SMYD3: variants seen among roughly 807,000 people sequenced by gnomAD.
SMYD3 encodes the protein SET and MYND domain containing 3.
Under a neutral mutation model 57.7 loss-of-function variants are expected in SMYD3, and 36 were observed. The ratio of observed to expected loss-of-function variants is 0.62; its 90% CI spans 0.48 to 0.82. SMYD3 has a LOEUF of 0.82. Ranked by LOEUF, SMYD3 falls within the 40% of genes least tolerant of loss-of-function variation. The probability of loss-of-function intolerance (pLI) is 0.00; values close to 1 mark genes in which losing one functional copy is unlikely to be tolerated. For missense variants in SMYD3, 515 were observed against 538.8 expected (o/e 0.96, Z 0.44); for synonymous variants, 211 against 195.0 (o/e 1.08, Z -0.68).
rs898252953 is a variant in SMYD3 at position 246,234,793 on chromosome 1, G to T, written c.531+92408C>A. ...ATATATACAAATCAGTTACAGCTTA[G>T]ACAAGAAACCTCTTTGACTACACAA... On this transcript the variant is annotated intron_variant, in intron 5 of 11. Transcript: ENST00000490107. Among the ~76,000 whole-genome samples, 4 of 152,080 alleles carry T rather than the reference G, an allele frequency of 2.6e-5. No homozygotes were observed. In the East Asian group the frequency reaches 5.8e-4, roughly 22 times the overall value.
At chr1:245,818,154 C>G (rs1346263002) in intron 10 of SMYD3, among the ~76,000 whole-genome samples, 3 of 152,154 alleles carry the variant, frequency 2.0e-5, no homozygotes, top group Non-Finnish European at 4.4e-5. Context: ...AGAGAAAGAT[C>G]GGGTTACCCT....
intron 5 of SMYD3, among the ~76,000 whole-genome samples, chr1:246,045,264 G>A (rs1402595006): frequency 1.2e-4 from 18 of 152,100 alleles, no homozygotes; most frequent in Admixed American, 1.2e-3. Flanking sequence ...AAACAGCATG[G>A]TACTGGTACC....
chr1:246,351,301 G>C (rs949383384), intron 2 of SMYD3, among the ~76,000 whole-genome samples: 1 of 151,256 alleles, frequency 6.6e-6, no homozygotes, highest in Non-Finnish European at 1.5e-5. Flanking sequence ...CATTCAACTA[G>C]AAATGTATAT....
At chr1:246,488,432 G>C (rs1163047720) in intron 1 of SMYD3, among the ~76,000 whole-genome samples, 1 of 152,230 alleles carries the variant, frequency 6.6e-6, no homozygotes, top group African/African-American at 2.4e-5. Flanking sequence ...GCTCATGCCT[G>C]TAATCCCACT....
intron 5 of SMYD3, among the ~76,000 whole-genome samples, chr1:246,107,854 A>G (rs1290774097): frequency 6.6e-6 from 1 of 152,214 alleles, no homozygotes; most frequent in Non-Finnish European, 1.5e-5. Context: ...AAATAAATAA[A>G]TCTGGAAAGG....
chr1:246,359,719 A>G (rs535293374), intron 1 of SMYD3, among the ~76,000 whole-genome samples: 2 of 152,236 alleles, frequency 1.3e-5, no homozygotes, highest in Non-Finnish European at 2.9e-5. Flanking sequence ...TCACATGATC[A>G]TCTCAATAGA....
At chr1:246,100,743 C>T (rs1173451655) in intron 5 of SMYD3, among the ~76,000 whole-genome samples, 3 of 152,054 alleles carry the variant, frequency 2.0e-5, no homozygotes, top group East Asian at 1.9e-4. Context: ...AAAATGAATG[C>T]GACTCTCCAG....
At chr1:246,489,567 A>C (rs1016513767) in intron 1 of SMYD3, among the ~76,000 whole-genome samples, 3 of 152,158 alleles carry the variant, frequency 2.0e-5, no homozygotes, top group Non-Finnish European at 2.9e-5. Context: ...TCTATTCGAC[A>C]GCGATTTCAA....
At chr1:246,408,239 C>T (rs1259733906) in intron 1 of SMYD3, among the ~76,000 whole-genome samples, 1 of 152,036 alleles carries the variant, frequency 6.6e-6, no homozygotes, top group Non-Finnish European at 1.5e-5. Flanking sequence ...AATAATTTTC[C>T]ATTTATTTCT....
intron 5 of SMYD3, among the ~76,000 whole-genome samples, chr1:246,180,854 A>G (rs2062539022): frequency 6.8e-6 from 1 of 146,686 alleles, no homozygotes; most frequent in Non-Finnish European, 1.5e-5. Context: ...CCAGCAAGAG[A>G]TTCCTCCCTT....
intron 5 of SMYD3, among the ~76,000 whole-genome samples, chr1:246,008,454 C>T (rs1464663736): frequency 1.3e-5 from 2 of 152,228 alleles, no homozygotes; most frequent in Admixed American, 6.5e-5. Flanking sequence ...GTGATCTGCC[C>T]TCTGGGCTTC....
rs371927895 is a variant in SMYD3, at chr1:246,387,350, G to A, written c.165-32256C>T. Among the ~76,000 whole-genome samples the A allele has an allele frequency of 1.5e-3, 228 of 152,268 alleles. 6 individuals are homozygous for A. In the South Asian group the frequency reaches 0.047, roughly 31 times the overall value. ...AACACTGTTAACTTTGTTTTAAGGA[G>A]TAAATAAAATATGCAAAACATTTAA... On this transcript the variant is annotated intron_variant, in intron 1 of 11. Coordinates refer to ENST00000490107, the MANE Select transcript of SMYD3 (RefSeq NM_001167740.2).
At chr1:246,396,750 CATGGTGAGA>C (rs1203338268) in intron 1 of SMYD3, among the ~76,000 whole-genome samples, 1 of 152,188 alleles carries the variant, frequency 6.6e-6, no homozygotes, top group Non-Finnish European at 1.5e-5. Context: ...TCCTGCCAGC[CATGGTGAGA>C]TGTGCTTGCT....
intron 5 of SMYD3, among the ~76,000 whole-genome samples, chr1:246,044,771 C>T (rs1343800668): frequency 3.9e-5 from 6 of 152,158 alleles, no homozygotes; most frequent in Admixed American, 3.9e-4. Context: ...TGATAAGAAC[C>T]ATTCAGCAAA....
intron 1 of SMYD3, among the ~76,000 whole-genome samples, chr1:246,378,828 G>T (rs7516368): frequency 0.97 from 107,052 of 110,248 alleles, 51,979 homozygotes; most frequent in Middle Eastern, 1. Flanking sequence ...TATTTATATA[G>T]TATATATAAT....
chr1:246,507,006 A>ACCCCCCCCCCC, intron 1 of SMYD3, 48 bp downstream of exon 1: 1 of 989,830 alleles, frequency 1.0e-6, no homozygotes, highest in Non-Finnish European at 1.3e-6. Flanking sequence ...CCTCCCCAGC[A>ACCCCCCCCCCC]CCCCACACAG....
intron 1 of SMYD3, among the ~76,000 whole-genome samples, chr1:246,499,865 C>T (rs1464007092): frequency 6.6e-6 from 1 of 150,744 alleles, no homozygotes; most frequent in Non-Finnish European, 1.5e-5. Flanking sequence ...CTCTCAATAA[C>T]GTTTTTTAAA....
At chr1:245,980,983 G>A (rs563492965) in intron 5 of SMYD3, among the ~76,000 whole-genome samples, 3 of 152,294 alleles carry the variant, frequency 2.0e-5, no homozygotes, top group South Asian at 2.1e-4. Context: ...TAAGAAAGAC[G>A]GTATAGCCCA....
At chr1:245,955,993 G>C (rs958329195) in intron 5 of SMYD3, 34 of 985,062 alleles carry the variant, frequency 3.5e-5, no homozygotes, top group Non-Finnish European at 4.0e-5. Flanking sequence ...CTTATGAAGA[G>C]AATTTCCATA....
Sources: allele counts gnomAD v4.1 joint callset (sites outside exome capture counted in the v4.1 genomes callset), GRCh38; gene constraint gnomAD v4.1.1; transcripts MANE v1.5; gene names NCBI Gene and HGNC (gene_info 2026-07-23, HGNC 2026-07-21).